RELN: variants seen among roughly 807,000 people sequenced by gnomAD.
RELN encodes reelin.
In RELN, 108 loss-of-function variants were observed where a neutral mutation model predicts 427.6. The ratio of observed to expected loss-of-function variants is 0.25; its 90% confidence interval spans 0.22 to 0.30. The LOEUF is 0.30. RELN is among the 10% of genes least tolerant of loss of function. RELN has a pLI of 1.00. For synonymous variants in RELN, 1,524 were observed against 1,513.4 expected, an observed-to-expected ratio of 1.01 and a Z score of -0.16; for missense variants, 3,715 against 4,302.8, an observed-to-expected ratio of 0.86 and a Z score of 3.82.
Position 103,544,114 on chromosome 7 carries a change from CTGAG to C in RELN, c.6523+1006_6523+1009del, listed in dbSNP as rs551821215. On this transcript the variant is annotated intron_variant, in intron 42 of 64. Coordinates refer to ENST00000428762, the MANE Select transcript of RELN (RefSeq NM_005045.4). ...ATCAGTATTTCATTCCTTTTTATGG[CTGAG>C]TAATGTTCCACTGTATGGATATACT... Among the ~76,000 whole-genome samples the C allele has an allele frequency of 5.1e-3, 761 of 150,620 alleles. 8 individuals are homozygous for C. The highest frequency in any genetic ancestry group is 0.018 in the African/African-American group (722 of 40,876).
intron 7 of RELN, among the ~76,000 whole-genome samples, chr7:103,723,598 T>C (rs1790131985): frequency 6.6e-6 from 1 of 152,040 alleles, no homozygotes; most frequent in African/African-American, 2.4e-5. Context: ...CGAACAAAAA[T>C]TGGGAGATAA....
chr7:103,495,533 A>AT (rs1828814857), intron 57 of RELN, among the ~76,000 whole-genome samples, 190 bp downstream of exon 57: 1 of 152,100 alleles, frequency 6.6e-6, no homozygotes, highest in Non-Finnish European at 1.5e-5. Flanking sequence ...ATTTTCAGGG[A>AT]TTTTATCTAT....
At chr7:103,879,488 C>T (rs1024271383) in intron 2 of RELN, among the ~76,000 whole-genome samples, 8 of 152,204 alleles carry the variant, frequency 5.3e-5, no homozygotes, top group African/African-American at 1.9e-4. Context: ...TCATATTCCA[C>T]TGGAGGGAAT....
intron 2 of RELN, among the ~76,000 whole-genome samples, chr7:103,909,718 ATTAAATATAT>A (rs1230268481): frequency 3.3e-5 from 1 of 30,172 alleles, no homozygotes; most frequent in South Asian, 1.0e-3. Flanking sequence ...ATAAATATAT[ATTAAATATAT>A]TTTTTAATAT....
chr7:103,641,923 A>G (rs2117365304), intron 16 of RELN, among the ~76,000 whole-genome samples: 1 of 152,308 alleles, frequency 6.6e-6, no homozygotes, highest in South Asian at 2.1e-4. Context: ...GTCATAGTTC[A>G]AAAAGCCTCC....
intron 45 of RELN, among the ~76,000 whole-genome samples, chr7:103,538,520 G>A (rs1357489367): frequency 6.6e-6 from 1 of 152,212 alleles, no homozygotes; most frequent in East Asian, 1.9e-4. Flanking sequence ...CAATGAGGGT[G>A]GCCTGGAATG....
intron 40 of RELN, among the ~76,000 whole-genome samples, chr7:103,552,659 T>C (rs1830439480): frequency 6.6e-6 from 1 of 151,852 alleles, no homozygotes; most frequent in Non-Finnish European, 1.5e-5. Flanking sequence ...CGCACCACCA[T>C]GCCCGGCTAA....
In RELN at chr7:103,557,127, G is replaced by C. The variant is rs748090084; in HGVS notation, c.5647C>G (p.Gln1883Glu). ...TPERSHSILL[Q>E]FSISGGITWH... ...GTGATTCCTCCACTGATGGAGAATT[G>C]TAACAGAATAGAGTGAGATCTCTCT... Residue 1883 changes from glutamine to glutamate, a missense_variant, in exon 38 of 65, where the codon CAA becomes GAA. By Grantham distance (29) the Gln-to-Glu change is conservative (BLOSUM62 2). Transcript: ENST00000428762. 1.2e-6 allele frequency: 2 copies of C among 1,613,518 alleles called. No homozygotes were observed. Among genetic ancestry groups the C allele is most frequent in the South Asian group, 2.2e-5 (2 of 91,068 alleles).
At chr7:103,954,454 G>GTA (rs1796394732) in intron 1 of RELN, among the ~76,000 whole-genome samples, 1 of 152,020 alleles carries the variant, frequency 6.6e-6, no homozygotes, top group African/African-American at 2.4e-5. Flanking sequence ...ATGTGTGTGT[G>GTA]TGTGCACACA....
chr7:103,496,487 C>T, intron 56 of RELN, 39 bp downstream of exon 56: 1 of 1,613,890 alleles, frequency 6.2e-7, no homozygotes, highest in Non-Finnish European at 8.5e-7. Context: ...AGAAAAATGG[C>T]TCACAGGAAA....
chr7:103,580,164 T>G (rs2283021), intron 28 of RELN, among the ~76,000 whole-genome samples: 32,290 of 152,274 alleles, frequency 0.21, 3,785 homozygotes, highest in East Asian at 0.34. Context: ...GTTTGCCTCA[T>G]GGCAAAACAG....
intron 4 of RELN, among the ~76,000 whole-genome samples, chr7:103,773,398 C>CCTGT (rs1250582864): frequency 1.6e-5 from 1 of 63,222 alleles, no homozygotes; most frequent in Non-Finnish European, 3.1e-5. Context: ...TCGCTCCCTC[C>CCTGT]CTGTCTCTCT....
intron 2 of RELN, among the ~76,000 whole-genome samples, chr7:103,838,353 C>T (rs945191205): frequency 1.3e-5 from 2 of 151,414 alleles, no homozygotes; most frequent in African/African-American, 2.4e-5. Context: ...TAGAATATTC[C>T]ACAGTATAAA....
At chr7:103,718,608 C>T (rs558852519) in intron 8 of RELN, among the ~76,000 whole-genome samples, 1 of 152,220 alleles carries the variant, frequency 6.6e-6, no homozygotes, top group African/African-American at 2.4e-5. Flanking sequence ...CAAGCCCCCT[C>T]TTGCCATGAA....
At chr7:103,918,430 G>A (rs544364379) in intron 1 of RELN, among the ~76,000 whole-genome samples, 7 of 152,190 alleles carry the variant, frequency 4.6e-5, no homozygotes, top group African/African-American at 1.7e-4. Context: ...GAGCCATTAA[G>A]AACCTGGCCC....
chr7:103,724,010 C>T (rs1032570031), intron 7 of RELN, among the ~76,000 whole-genome samples: 12 of 152,024 alleles, frequency 7.9e-5, no homozygotes, highest in African/African-American at 2.7e-4. Flanking sequence ...GTAGCTTTGA[C>T]CCATACCAGC....
chr7:103,886,619 C>A (rs1489089442), intron 2 of RELN, among the ~76,000 whole-genome samples: 1 of 152,088 alleles, frequency 6.6e-6, no homozygotes, highest in Non-Finnish European at 1.5e-5. Flanking sequence ...TTAAGTAAAT[C>A]CCATAATGTT....
chr7:103,758,181 T>C (rs1791210189), intron 4 of RELN, among the ~76,000 whole-genome samples: 1 of 152,288 alleles, frequency 6.6e-6, no homozygotes, highest in African/African-American at 2.4e-5. Flanking sequence ...ATAATGCCAT[T>C]GAAATTCACA....
chr7:103,665,416 G>A (rs1414421059), intron 11 of RELN, among the ~76,000 whole-genome samples: 2 of 151,620 alleles, frequency 1.3e-5, no homozygotes, highest in South Asian at 4.2e-4. Context: ...CTTGATAGCT[G>A]AGCTCCCTCT....
Sources: gnomAD v4.1 joint callset for allele counts (sites outside exome capture counted in the v4.1 genomes callset) on GRCh38, gnomAD v4.1.1 for gene constraint, MANE v1.5 for transcripts, NCBI Gene and HGNC (gene_info 2026-07-23, HGNC 2026-07-21) for gene names.